Variants in NRXN3 observed in about 807,000 individuals in gnomAD.
NRXN3 encodes neurexin III.
Under a neutral mutation model 137.6 loss-of-function variants are expected in NRXN3, and 32 were observed. The observed-to-expected ratio is 0.23, with a 90% CI of 0.18 to 0.31. The LOEUF (loss-of-function observed/expected upper bound fraction) is 0.31. Ranked by LOEUF, NRXN3 falls within the 10% of genes least tolerant of loss-of-function variation. The pLI is 1.00. For synonymous variants in NRXN3, 798 were observed against 784.5 expected (o/e 1.02, Z -0.29); for missense variants, 1,574 against 2,062.5 (o/e 0.76, Z 4.59).
rs138898832 is a variant in NRXN3, at chr14:78,267,036, A to G, written c.710-11609A>G. On this transcript the variant is annotated intron_variant, in intron 2 of 20. Coordinates refer to ENST00000335750, the MANE Select transcript of NRXN3 (RefSeq NM_001330195.2). ...CCCTTCCTTCTCAAGTTCATTGCAA[A>G]CCGTGCTAATCAACCATAAAGTTCT... is the stretch of plus-strand genomic sequence containing the variant. Among the ~76,000 whole-genome samples, 322 of 152,256 alleles carry G rather than the reference A, an allele frequency of 2.1e-3. 1 individual carries two copies. The highest frequency in any genetic ancestry group is 7.4e-3 in the African/African-American group (307 of 41,530).
chr14:79,177,544 A>C (rs1469986498), intron 15 of NRXN3, among the ~76,000 whole-genome samples: 1 of 152,244 alleles, frequency 6.6e-6, no homozygotes, highest in Non-Finnish European at 1.5e-5. Context: ...GTGGAAACAA[A>C]TAACTTCTAA....
chr14:78,571,480 A>G (rs535907506), intron 4 of NRXN3, among the ~76,000 whole-genome samples: 1 of 152,220 alleles, frequency 6.6e-6, no homozygotes, highest in Non-Finnish European at 1.5e-5. Context: ...GCCCTGAAGC[A>G]GGGTTGGGAA....
chr14:79,674,388 G>A (rs111487479), intron 17 of NRXN3, among the ~76,000 whole-genome samples: 8 of 151,900 alleles, frequency 5.3e-5, no homozygotes, highest in Admixed American at 1.3e-4. Context: ...CACATTCATC[G>A]TACCTTATTT....
chr14:79,453,629 C>T (rs937080729), intron 15 of NRXN3, among the ~76,000 whole-genome samples: 1 of 152,206 alleles, frequency 6.6e-6, no homozygotes, highest in Non-Finnish European at 1.5e-5. Flanking sequence ...GACTTAAAAT[C>T]ATGGTTGTTT....
At chr14:78,225,969 GTGTTGGTGT>G (rs2064526836) in intron 1 of NRXN3, among the ~76,000 whole-genome samples, 1 of 125,438 alleles carries the variant, frequency 8.0e-6, no homozygotes, top group Non-Finnish European at 1.6e-5. Flanking sequence ...GTGTGTGTGT[GTGTTGGTGT>G]GTGTGTGTGT....
In NRXN3 at chr14:78,632,411, A is replaced by ATT. The variant is rs34364549; in HGVS notation, c.758-12699_758-12698dup. Among the ~76,000 whole-genome samples the ATT allele has an allele frequency of 5.7e-4, 85 of 148,550 alleles. 2 individuals carry two copies. Among genetic ancestry groups the ATT allele is most frequent in the South Asian group, 2.3e-3 (11 of 4,688 alleles). On this transcript the variant is annotated intron_variant, in intron 4 of 20. Transcript: ENST00000335750. ...TATGTGACATGCTATGCAAACGTGTATTTTTTTTTTTAAAGAAATGAATAG... is the reference window on the plus strand; with the variant it reads ...TATGTGACATGCTATGCAAACGTGTATTTTTTTTTTTTTAAAGAAATGAATAG...
intron 4 of NRXN3, among the ~76,000 whole-genome samples, chr14:78,602,267 C>CTTTTTTTTTTTTTTTTTTTTT (rs370669288): frequency 2.6e-5 from 3 of 115,262 alleles, no homozygotes; most frequent in East Asian, 5.8e-4. Context: ...TCACATTAGC[C>CTTTTTTTTTTTTTTTTTTTTT]TTTTTTTTTT....
chr14:79,756,431 T>G (rs2099019756), intron 19 of NRXN3, among the ~76,000 whole-genome samples: 1 of 152,174 alleles, frequency 6.6e-6, no homozygotes, highest in African/African-American at 2.4e-5. Context: ...CTGGGGCCAG[T>G]TGAAACATCT....
intron 15 of NRXN3, among the ~76,000 whole-genome samples, chr14:79,014,950 T>C (rs1220780792): frequency 6.6e-6 from 1 of 152,160 alleles, no homozygotes; most frequent in Non-Finnish European, 1.5e-5. Flanking sequence ...TCCTGGTGCA[T>C]GGTAATCCCA....
chr14:78,988,167 G>C lies in NRXN3; in HGVS notation c.3262+26G>C, dbSNP rs779703422. On this transcript the variant is annotated intron_variant, in intron 15 of 20. Transcript: ENST00000335750. ...GTAAGTACAACAACCTTTCATACTG[G>C]AACTTTGTGAAGATGTTTGGAGATT... The C allele has an allele frequency of 3.1e-6, 5 of 1,613,214 alleles. No homozygotes were observed. The South Asian group carries it at 5.5e-5, about 18-fold the overall frequency.
At chr14:79,644,213 A>G (rs2153963994) in intron 16 of NRXN3, among the ~76,000 whole-genome samples, 1 of 136,184 alleles carries the variant, frequency 7.3e-6, no homozygotes, top group African/African-American at 2.4e-5. Context: ...TGTAATGGCT[A>G]ATTGGCTAAA....
In NRXN3 at chr14:78,515,114, C is replaced by T. The variant is rs543955282; in HGVS notation, c.758-130006C>T. 3.9e-5 allele frequency among the ~76,000 whole-genome samples: 6 copies of T among 152,226 alleles called. No individual in the cohort carries two copies. The East Asian group carries it at 5.8e-4, about 15-fold the overall frequency. On this transcript the variant is annotated intron_variant, in intron 4 of 20. Coordinates refer to ENST00000335750, the MANE Select transcript of NRXN3 (RefSeq NM_001330195.2). ...CTAACAGTTAGCCAAGGTTGAAAACCGCTGTATTAAAGGAAAGCCAAAAGA... is the reference window on the plus strand; with the variant it reads ...CTAACAGTTAGCCAAGGTTGAAAACTGCTGTATTAAAGGAAAGCCAAAAGA...
intron 4 of NRXN3, among the ~76,000 whole-genome samples, chr14:78,451,589 T>C (rs1047876020): frequency 6.6e-6 from 1 of 152,172 alleles, no homozygotes; most frequent in African/African-American, 2.4e-5. Context: ...TCCCTTCCCG[T>C]ATAGATAGCC....
chr14:78,800,010 G>T (rs1267221111), intron 8 of NRXN3, among the ~76,000 whole-genome samples: 1 of 152,064 alleles, frequency 6.6e-6, no homozygotes, highest in African/African-American at 2.4e-5. Context: ...TAGAACAATA[G>T]AGATTATGCA....
chr14:78,811,141 A>G (rs552791281), intron 10 of NRXN3, among the ~76,000 whole-genome samples: 6 of 152,364 alleles, frequency 3.9e-5, no homozygotes, highest in Admixed American at 3.3e-4. Flanking sequence ...TTTGAGTACT[A>G]TAGCATATTA....
intron 16 of NRXN3, among the ~76,000 whole-genome samples, chr14:79,566,082 C>T (rs575926053): frequency 3.9e-5 from 6 of 152,194 alleles, no homozygotes; most frequent in Non-Finnish European, 8.8e-5. Flanking sequence ...ATCTGTATGT[C>T]CCAGCTGTGT....
At chr14:79,516,843 T>G (rs947495865) in intron 16 of NRXN3, among the ~76,000 whole-genome samples, 2 of 152,214 alleles carry the variant, frequency 1.3e-5, no homozygotes, top group Non-Finnish European at 2.9e-5. Flanking sequence ...AGAAATTCTT[T>G]TTTTTTACAG....
chr14:78,928,646 C>G (rs1016954423), intron 10 of NRXN3, among the ~76,000 whole-genome samples: 3 of 152,166 alleles, frequency 2.0e-5, no homozygotes, highest in African/African-American at 7.2e-5. Flanking sequence ...TTTTTTATGG[C>G]TGCATAGTAT....
intron 16 of NRXN3, among the ~76,000 whole-genome samples, chr14:79,545,540 G>A (rs1346473239): frequency 6.6e-6 from 1 of 152,048 alleles, no homozygotes; most frequent in Non-Finnish European, 1.5e-5. Flanking sequence ...CAACTGATTA[G>A]CAAATTTATT....
Sources: allele counts gnomAD v4.1 joint callset (sites outside exome capture counted in the v4.1 genomes callset), GRCh38; gene constraint gnomAD v4.1.1; transcripts MANE v1.5; gene names NCBI Gene and HGNC (gene_info 2026-07-23, HGNC 2026-07-21).